CTNND2: variants seen among roughly 807,000 people sequenced by gnomAD.
CTNND2 encodes catenin delta-2.
A neutral mutation model predicts 144.4 loss-of-function variants in CTNND2; 22 were observed. The observed-to-expected ratio is 0.15, with a 90% confidence interval of 0.11 to 0.22. The LOEUF is 0.22. Ranked by LOEUF, CTNND2 falls within the 10% of genes least tolerant of loss-of-function variation. The pLI, the probability that CTNND2 is intolerant of heterozygous loss-of-function variation, is 1.00. For synonymous variants in CTNND2, 751 were observed against 695.6 expected, an observed-to-expected ratio of 1.08 and a Z score of -1.25; for missense variants, 1,353 against 1,618.8, an observed-to-expected ratio of 0.84 and a Z score of 2.82.
chr5:11,797,950 G>C (rs1338278795), intron 1 of CTNND2, among the ~76,000 whole-genome samples: 2 of 152,130 alleles, frequency 1.3e-5, no homozygotes, highest in Non-Finnish European at 2.9e-5. Context: ...AGTTAACAGA[G>C]AAAGTGTCTT....
At chr5:11,729,407 T>C (rs1787203932) in intron 2 of CTNND2, among the ~76,000 whole-genome samples, 2 of 152,198 alleles carry the variant, frequency 1.3e-5, no homozygotes, top group Non-Finnish European at 2.9e-5. Flanking sequence ...TAGATGCTCA[T>C]AAATATGTAT....
At chr5:11,070,489 C>A (rs1481407597) in intron 16 of CTNND2, among the ~76,000 whole-genome samples, 1 of 152,014 alleles carries the variant, frequency 6.6e-6, no homozygotes, top group Non-Finnish European at 1.5e-5. Flanking sequence ...AGGACAATAT[C>A]ATGTAGTGTA....
At chr5:11,124,292 A>C (rs1340409998) in intron 12 of CTNND2, among the ~76,000 whole-genome samples, 1 of 152,190 alleles carries the variant, frequency 6.6e-6, no homozygotes, top group Non-Finnish European at 1.5e-5. Flanking sequence ...TACACGTAAA[A>C]ATGCAAAAAA....
At position 11,199,599 on chromosome 5, in the gene CTNND2, GACTTCGGTC is replaced by G; in HGVS notation, c.1815_1823del (p.Met605_Val608delinsIle). The G allele has an allele frequency of 1.2e-6, 2 of 1,614,146 alleles. No individual in the cohort carries two copies. Among genetic ancestry groups the G allele is most frequent in the Non-Finnish European group, 1.7e-6 (2 of 1,180,024 alleles). ...TCAGAGCTCCACAGGCACTACGGTG[GACTTCGGTC>G]ATCCGATGATCCAACAGGTCCACCA... On this transcript the variant is annotated inframe_deletion, in exon 11 of 22. Coordinates refer to ENST00000304623, the MANE Select transcript of CTNND2 (RefSeq NM_001332.4).
At chr5:11,765,314 G>C (rs1789519000) in intron 1 of CTNND2, among the ~76,000 whole-genome samples, 1 of 152,220 alleles carries the variant, frequency 6.6e-6, no homozygotes, top group Non-Finnish European at 1.5e-5. Flanking sequence ...AAGCCGCTCA[G>C]GGGGAAGGTG....
intron 1 of CTNND2, among the ~76,000 whole-genome samples, chr5:11,887,818 C>G (rs998941930): frequency 1.3e-5 from 2 of 152,158 alleles, no homozygotes; most frequent in African/African-American, 4.8e-5. Flanking sequence ...ATGCCTTTGA[C>G]AGTTCTGAGG....
intron 20 of CTNND2, among the ~76,000 whole-genome samples, chr5:10,986,056 A>G (rs1356165640): frequency 6.6e-6 from 1 of 152,178 alleles, no homozygotes; most frequent in Non-Finnish European, 1.5e-5. Flanking sequence ...AAAGATCTCA[A>G]TGTTCTTTCT....
At chr5:11,181,783 TGTGTCTGTGTG>T (rs1309303579) in intron 11 of CTNND2, among the ~76,000 whole-genome samples, 41 of 145,450 alleles carry the variant, frequency 2.8e-4, no homozygotes, top group Non-Finnish European at 1.4e-4. Flanking sequence ...TGTCTGTGTG[TGTGTCTGTGTG>T]GTGTGTGTGT....
chr5:11,379,596 A>C, intron 7 of CTNND2, among the ~76,000 whole-genome samples: 1 of 143,354 alleles, frequency 7.0e-6, no homozygotes, highest in East Asian at 1.9e-4. Context: ...TGGGTCAGGA[A>C]AAAATATAAA....
At chr5:11,735,764 C>G (rs1173219995) in intron 1 of CTNND2, among the ~76,000 whole-genome samples, 3 of 152,178 alleles carry the variant, frequency 2.0e-5, no homozygotes, top group Non-Finnish European at 4.4e-5. Context: ...GCTTCTCCTT[C>G]ACCTTCTGCC....
chr5:11,743,080 T>C (rs1171641720), intron 1 of CTNND2, among the ~76,000 whole-genome samples: 2 of 152,222 alleles, frequency 1.3e-5, no homozygotes, highest in Non-Finnish European at 2.9e-5. Flanking sequence ...ATATAAACAA[T>C]ATAGTAATAG....
chr5:11,335,048 T>C (rs1753599624), intron 9 of CTNND2, among the ~76,000 whole-genome samples: 1 of 152,164 alleles, frequency 6.6e-6, no homozygotes, highest in Admixed American at 6.5e-5. Context: ...CTTTCCTCCT[T>C]TCCTCCTCCT....
At chr5:11,727,643 A>C (rs1300571938) in intron 2 of CTNND2, among the ~76,000 whole-genome samples, 1 of 152,210 alleles carries the variant, frequency 6.6e-6, no homozygotes, top group African/African-American at 2.4e-5. Flanking sequence ...GCTATGGATA[A>C]TTCTTCCCTT....
chr5:11,740,222 AC>A (rs762974548), intron 1 of CTNND2, among the ~76,000 whole-genome samples: 20 of 152,322 alleles, frequency 1.3e-4, no homozygotes, highest in Non-Finnish European at 2.5e-4. Context: ...AAAAGAGCCC[AC>A]ACAGTCAAGA....
intron 5 of CTNND2, among the ~76,000 whole-genome samples, chr5:11,401,995 T>A (rs1463424809): frequency 6.6e-6 from 1 of 152,176 alleles, no homozygotes; most frequent in Non-Finnish European, 1.5e-5. Flanking sequence ...ACAGGGATAT[T>A]TTGGTCTTGA....
intron 9 of CTNND2, among the ~76,000 whole-genome samples, chr5:11,293,052 A>G (rs1417392555): frequency 6.6e-6 from 1 of 152,226 alleles, no homozygotes; most frequent in Non-Finnish European, 1.5e-5. Flanking sequence ...AATGACTCTG[A>G]AGTCATCTAG....
At chr5:11,562,970 T>C (rs1449842372) in intron 3 of CTNND2, among the ~76,000 whole-genome samples, 1 of 152,228 alleles carries the variant, frequency 6.6e-6, no homozygotes, top group African/African-American at 2.4e-5. Context: ...AGGCTCACTG[T>C]TACCACAGAG....
intron 3 of CTNND2, among the ~76,000 whole-genome samples, chr5:11,486,541 T>C (rs1217857161): frequency 6.6e-6 from 1 of 150,440 alleles, no homozygotes; most frequent in Non-Finnish European, 1.5e-5. Context: ...AGAAAGAAGG[T>C]AGGAAGAAAG....
At chr5:11,480,724 AAGAGTTGCAC>A (rs1292125719) in intron 3 of CTNND2, among the ~76,000 whole-genome samples, 2 of 150,942 alleles carry the variant, frequency 1.3e-5, no homozygotes, top group Non-Finnish European at 2.9e-5. Flanking sequence ...TCTGTAGAAA[AAGAGTTGCAC>A]AGAGACCTAG....
Sources: gnomAD v4.1 joint callset for allele counts (sites outside exome capture counted in the v4.1 genomes callset) on GRCh38, gnomAD v4.1.1 for gene constraint, MANE v1.5 for transcripts, NCBI Gene and HGNC (gene_info 2026-07-23, HGNC 2026-07-21) for gene names.